The following NAALADL2 variants were observed in gnomAD, a reference collection of about 807,000 sequenced individuals.
The protein encoded by NAALADL2 is inactive N-acetylated-alpha-linked acidic dipeptidase-like protein 2.
NAALADL2 carries 76 observed loss-of-function variants against 87.2 expected under a neutral mutation model. The observed-to-expected ratio is 0.87, with a 90% confidence interval of 0.72 to 1.05. NAALADL2 has a LOEUF of 1.05. NAALADL2 is among the 50% of genes least tolerant of loss of function. NAALADL2 has a pLI of 0.00. For synonymous variants in NAALADL2, 354 were observed against 331.0 expected (o/e 1.07, Z -0.75); for missense variants, 1,089 against 945.8 (o/e 1.15, Z -1.99).
intron 1 of NAALADL2, among the ~76,000 whole-genome samples, chr3:174,464,779 T>C (rs1019641903): frequency 1.3e-5 from 2 of 152,002 alleles, no homozygotes; most frequent in Admixed American, 6.6e-5. Context: ...TTTATCATTT[T>C]CAGGTAGATA....
At chr3:175,121,066 A>G (rs1461266) in intron 2 of NAALADL2, among the ~76,000 whole-genome samples, 95,158 of 151,654 alleles carry the variant, frequency 0.63, 30,883 homozygotes, top group African/African-American at 0.81. Context: ...CTTGTCAAAT[A>G]TAATTAAAAA....
chr3:175,459,383 G>T (rs1355485095), intron 6 of NAALADL2, among the ~76,000 whole-genome samples: 2 of 151,876 alleles, frequency 1.3e-5, no homozygotes, highest in African/African-American at 4.8e-5. Flanking sequence ...AGAGCTAGAA[G>T]ATCAGATTGA....
At chr3:174,599,269 G>A (rs1718217574) in intron 2 of NAALADL2, among the ~76,000 whole-genome samples, 1 of 152,058 alleles carries the variant, frequency 6.6e-6, no homozygotes, top group African/African-American at 2.4e-5. Context: ...GTGGCTATAA[G>A]GTTGATAGCT....
At chr3:175,453,741 T>C (rs892196606) in intron 6 of NAALADL2, among the ~76,000 whole-genome samples, 1 of 152,108 alleles carries the variant, frequency 6.6e-6, no homozygotes, top group Non-Finnish European at 1.5e-5. Context: ...ATGTACGCTG[T>C]GTAATTGTCT....
chr3:174,871,436 G>A (rs1260367618), intron 1 of NAALADL2, among the ~76,000 whole-genome samples: 2 of 152,178 alleles, frequency 1.3e-5, no homozygotes, highest in African/African-American at 4.8e-5. Context: ...CAGAAAAGTT[G>A]TTTCTTTCTT....
intron 2 of NAALADL2, among the ~76,000 whole-genome samples, chr3:174,682,042 A>G (rs1578529027): frequency 1.3e-5 from 2 of 151,890 alleles, no homozygotes; most frequent in Admixed American, 6.6e-5. Context: ...GGCCATGGGG[A>G]GAGTGCTTGT....
intron 1 of NAALADL2, among the ~76,000 whole-genome samples, chr3:174,919,085 A>G (rs973538002): frequency 2.5e-4 from 38 of 152,172 alleles, no homozygotes; most frequent in Non-Finnish European, 1.6e-4. Context: ...ATTGCTAAAA[A>G]ATCCTAGCAG....
intron 3 of NAALADL2, among the ~76,000 whole-genome samples, chr3:175,248,001 T>C (rs1280563561): frequency 1.3e-5 from 2 of 152,214 alleles, no homozygotes; most frequent in East Asian, 3.9e-4. Context: ...GCTAAGTTTT[T>C]ATAGAATCAG....
intron 1 of NAALADL2, among the ~76,000 whole-genome samples, chr3:175,012,327 G>A (rs1749939585): frequency 6.8e-6 from 1 of 147,250 alleles, no homozygotes; most frequent in Non-Finnish European, 1.5e-5. Flanking sequence ...ACCAGGCCTG[G>A]CTAATATTTT....
At chr3:174,607,840 C>CA in intron 2 of NAALADL2, among the ~76,000 whole-genome samples, 1 of 152,068 alleles carries the variant, frequency 6.6e-6, no homozygotes, top group Admixed American at 6.5e-5. Flanking sequence ...CAGAACTCTC[C>CA]ACCCCAAATC....
At chr3:174,494,500 G>A (rs1718396917) in intron 1 of NAALADL2, among the ~76,000 whole-genome samples, 1 of 151,480 alleles carries the variant, frequency 6.6e-6, no homozygotes, top group Non-Finnish European at 1.5e-5. Context: ...AGGAGGGATA[G>A]CATTAGGAGA....
intron 1 of NAALADL2, among the ~76,000 whole-genome samples, chr3:174,947,766 A>G (rs911016297): frequency 3.3e-5 from 5 of 152,138 alleles, no homozygotes; most frequent in Non-Finnish European, 5.9e-5. Context: ...ATACACACAC[A>G]TACACATATG....
At chr3:174,946,016 A>G (rs1162567838) in intron 1 of NAALADL2, among the ~76,000 whole-genome samples, 2 of 136,352 alleles carry the variant, frequency 1.5e-5, no homozygotes, top group Non-Finnish European at 3.0e-5. Context: ...ACTGTACTCC[A>G]GCCTGCGCAA....
At chr3:175,523,954 T>C (rs892695337) in intron 9 of NAALADL2, among the ~76,000 whole-genome samples, 21 of 152,222 alleles carry the variant, frequency 1.4e-4, no homozygotes, top group African/African-American at 4.6e-4. Context: ...ATACTTGAAC[T>C]GCATTCTTTT....
intron 3 of NAALADL2, among the ~76,000 whole-genome samples, chr3:174,847,158 G>T (rs374552532): frequency 1.1e-4 from 17 of 151,608 alleles, no homozygotes; most frequent in African/African-American, 2.7e-4. Context: ...AAGCACAAAA[G>T]AATCTTGTTT....
chr3:174,592,722 C>A (rs1207507387), intron 2 of NAALADL2, among the ~76,000 whole-genome samples: 1 of 152,052 alleles, frequency 6.6e-6, no homozygotes, highest in African/African-American at 2.4e-5. Context: ...ATTCTTGTTT[C>A]CATTATTAAT....
intron 11 of NAALADL2, among the ~76,000 whole-genome samples, chr3:175,732,460 C>T (rs992353312): frequency 1.3e-5 from 2 of 152,112 alleles, no homozygotes; most frequent in Non-Finnish European, 1.5e-5. Flanking sequence ...TTTGAATCAT[C>T]CTTAGAGGCG....
At chr3:175,136,168 A>G (rs150305509) in intron 2 of NAALADL2, among the ~76,000 whole-genome samples, 86 of 152,320 alleles carry the variant, frequency 5.6e-4, no homozygotes, top group African/African-American at 7.2e-4. Context: ...GAAGGAGCCA[A>G]TGATGAAGGA....
chr3:175,368,002 T>C (rs1366284586), intron 5 of NAALADL2, among the ~76,000 whole-genome samples: 1 of 152,166 alleles, frequency 6.6e-6, no homozygotes, highest in Non-Finnish European at 1.5e-5. Flanking sequence ...TTGTCATAGA[T>C]AGCTCTTATT....
Sources: allele counts gnomAD v4.1 joint callset (sites outside exome capture counted in the v4.1 genomes callset), GRCh38; gene constraint gnomAD v4.1.1; transcripts MANE v1.5; gene names NCBI Gene and HGNC (gene_info 2026-07-23, HGNC 2026-07-21).